Variants in GAREM1 observed in about 807,000 individuals in gnomAD.
GAREM1 encodes GRB2 associated regulator of MAPK1 subtype 1.
GAREM1 carries 26 observed loss-of-function variants against 71.3 expected under a neutral mutation model. The ratio of observed to expected loss-of-function variants is 0.36; its 90% CI spans 0.27 to 0.51. The LOEUF (loss-of-function observed/expected upper bound fraction) is 0.51, where lower values mean the gene tolerates loss of function less well. GAREM1 is among the 20% of genes least tolerant of loss of function. The pLI, the probability that GAREM1 is intolerant of heterozygous loss-of-function variation, is 0.95. For missense variants in GAREM1, 1,026 were observed against 1,103.1 expected (o/e 0.93, Z 0.99); for synonymous variants, 440 against 433.2 (o/e 1.02, Z -0.20).
At chr18:32,339,112 T>C (rs976507222) in intron 2 of GAREM1, among the ~76,000 whole-genome samples, 11 of 152,202 alleles carry the variant, frequency 7.2e-5, no homozygotes, top group Non-Finnish European at 1.3e-4. Context: ...TCCCTCCCTC[T>C]ATCTATAAAT....
In GAREM1 at chr18:32,287,317, C is replaced by T. The variant is rs749018277; in HGVS notation, c.1280G>A (p.Gly427Glu). ...PHDILPYQDS[G>E]DSGSDYLFPE... is the part of the protein sequence containing the mutation. ...GAAAAGGTAGTCGCTCCCACTATCT[C>T]CAGAGTCCTGATAGGGCAGGATGTC... Residue 427 changes from glycine (G) to glutamate (E), a missense_variant, in exon 4 of 6, where the codon GGA (glycine) becomes GAA (glutamate). Physicochemically the swap from Gly to Glu is moderately conservative, Grantham distance 98. Transcript: ENST00000269209. The surrounding 1 kb of genome is among the most constrained non-coding windows in gnomAD (Gnocchi z 5.9). 1.3e-5 allele frequency: 21 copies of T among 1,614,190 alleles called. No homozygotes were observed. Among genetic ancestry groups the T allele is most frequent in the Non-Finnish European group, 1.7e-5 (20 of 1,180,040 alleles).
At chr18:32,297,422 T>A (rs1482121152) in intron 3 of GAREM1, among the ~76,000 whole-genome samples, 1 of 152,246 alleles carries the variant, frequency 6.6e-6, no homozygotes, top group Non-Finnish European at 1.5e-5. Context: ...TGGCACATGG[T>A]AGGCTCTCAA....
At chr18:32,359,757 C>T (rs1479558861) in intron 2 of GAREM1, among the ~76,000 whole-genome samples, 2 of 151,980 alleles carry the variant, frequency 1.3e-5, no homozygotes, top group East Asian at 1.9e-4. Context: ...TTTGTCTCTA[C>T]AAAAAGTTTT....
intron 4 of GAREM1, among the ~76,000 whole-genome samples, chr18:32,273,804 A>G (rs1007364484): frequency 4.6e-5 from 7 of 152,194 alleles, no homozygotes; most frequent in African/African-American, 1.2e-4. Flanking sequence ...TGATGAAACA[A>G]GAATATGAGG....
chr18:32,346,778 G>T (rs933773357), intron 2 of GAREM1, among the ~76,000 whole-genome samples: 28 of 152,176 alleles, frequency 1.8e-4, no homozygotes, highest in African/African-American at 6.5e-4. Context: ...TTTTAATAAG[G>T]TTCCAAAACA....
At chr18:32,457,384 T>G (rs75550460) in intron 1 of GAREM1, among the ~76,000 whole-genome samples, 1,852 of 152,074 alleles carry the variant, frequency 0.012, 32 homozygotes, top group African/African-American at 0.043. Flanking sequence ...CAGAGGGGAA[T>G]GAAGACTACA....
At chr18:32,336,514 T>C (rs958462306) in intron 2 of GAREM1, among the ~76,000 whole-genome samples, 1 of 152,160 alleles carries the variant, frequency 6.6e-6, no homozygotes, top group African/African-American at 2.4e-5. Context: ...CTATAAGTAC[T>C]TACCAAATTT....
At chr18:32,301,160 C>T (rs1336664651) in intron 3 of GAREM1, among the ~76,000 whole-genome samples, 1 of 152,072 alleles carries the variant, frequency 6.6e-6, no homozygotes, top group African/African-American at 2.4e-5. Flanking sequence ...CTTTAAAATC[C>T]GTGCTTGTTT....
At chr18:32,344,967 G>A (rs2047680280) in intron 2 of GAREM1, among the ~76,000 whole-genome samples, 1 of 152,034 alleles carries the variant, frequency 6.6e-6, no homozygotes, top group Non-Finnish European at 1.5e-5. Flanking sequence ...GAAGCTGAGG[G>A]AGGAGAATTG....
chr18:32,361,994 T>C (rs2144611056), intron 2 of GAREM1, among the ~76,000 whole-genome samples: 1 of 152,306 alleles, frequency 6.6e-6, no homozygotes, highest in East Asian at 1.9e-4. Flanking sequence ...GTTACAAAAA[T>C]CAAAGTTTAT....
intron 1 of GAREM1, among the ~76,000 whole-genome samples, chr18:32,455,574 GA>G (rs1385199922): frequency 6.6e-6 from 1 of 152,116 alleles, no homozygotes; most frequent in Non-Finnish European, 1.5e-5. Context: ...CTTCCCTGGA[GA>G]AAACTTAACT....
Position 32,335,966 on chromosome 18 carries a change from C to T in GAREM1, c.263-25643G>A, listed in dbSNP as rs569695877. Reference sequence around the variant, plus strand: ...AACGGAGTGCACTGTAAGCAGCGAACGCTGACACTACCAGAAAGAGTAATG... The same window carrying T: ...AACGGAGTGCACTGTAAGCAGCGAATGCTGACACTACCAGAAAGAGTAATG... On this transcript the variant is annotated intron_variant, in intron 2 of 5. Coordinates refer to ENST00000269209, the MANE Select transcript of GAREM1 (RefSeq NM_001242409.2). Among the ~76,000 whole-genome samples, 86 of 152,220 alleles carry T rather than the reference C, an allele frequency of 5.6e-4. 1 individual carries two copies. The highest frequency in any genetic ancestry group is 6.8e-3 in the Middle Eastern group (2 of 292).
At chr18:32,387,655 C>T (rs1424098921) in intron 2 of GAREM1, among the ~76,000 whole-genome samples, 2 of 152,170 alleles carry the variant, frequency 1.3e-5, no homozygotes, top group Admixed American at 1.3e-4. Context: ...CACCTTTTGT[C>T]TAAAACTTAT....
intron 2 of GAREM1, among the ~76,000 whole-genome samples, chr18:32,343,788 TC>T (rs2047669909): frequency 1.3e-5 from 2 of 152,170 alleles, no homozygotes; most frequent in African/African-American, 4.8e-5. Flanking sequence ...ACTGTCTAGA[TC>T]CATGTGAGCA....
chr18:32,339,058 C>T (rs779067759), intron 2 of GAREM1, among the ~76,000 whole-genome samples: 6 of 152,156 alleles, frequency 3.9e-5, no homozygotes, highest in Non-Finnish European at 8.8e-5. Context: ...GCACTTTGGA[C>T]TTGTACCTCT....
intron 1 of GAREM1, among the ~76,000 whole-genome samples, chr18:32,447,851 A>G (rs950296809): frequency 2.4e-4 from 37 of 152,202 alleles, no homozygotes; most frequent in African/African-American, 8.7e-4. Flanking sequence ...CCATGGATGA[A>G]CCAAGAAACT....
chr18:32,400,988 G>A (rs1037610021), intron 1 of GAREM1, among the ~76,000 whole-genome samples: 1 of 152,128 alleles, frequency 6.6e-6, no homozygotes, highest in Admixed American at 6.5e-5. Flanking sequence ...GGAATACTAT[G>A]CAGCCAGAAA....
rs991996427 is a variant in GAREM1, at chr18:32,396,318, A to G, written c.122-3283T>C. 1.4e-4 allele frequency among the ~76,000 whole-genome samples: 22 copies of G among 152,238 alleles called. No individual in the cohort carries two copies. The East Asian group carries it at 2.7e-3, about 19-fold the overall frequency. On this transcript the variant is annotated intron_variant, in intron 1 of 5. Transcript: ENST00000269209. ...ATGGAACAAAGGTGGACGAAGAATGACTTTGAAGAGAAGAAGGCTTCAGAT... is the reference window on the plus strand; with the variant it reads ...ATGGAACAAAGGTGGACGAAGAATGGCTTTGAAGAGAAGAAGGCTTCAGAT...
chr18:32,459,348 T>C (rs2048930427), intron 1 of GAREM1, among the ~76,000 whole-genome samples: 1 of 151,976 alleles, frequency 6.6e-6, no homozygotes, highest in Non-Finnish European at 1.5e-5. Context: ...TCATCTATCT[T>C]ACACACAACT....
Sources: allele counts gnomAD v4.1 joint callset (sites outside exome capture counted in the v4.1 genomes callset), GRCh38; gene constraint gnomAD v4.1.1; non-coding constraint Gnocchi (gnomAD v3.1); transcripts MANE v1.5; gene names NCBI Gene and HGNC (gene_info 2026-07-23, HGNC 2026-07-21).